FMN1: variants seen among roughly 807,000 people sequenced by gnomAD.
The protein encoded by FMN1 is formin-1.
FMN1 carries 110 observed loss-of-function variants against 132.4 expected under a neutral mutation model. That is an observed-to-expected ratio of 0.83 (90% CI 0.71 to 0.97). FMN1 has a LOEUF of 0.97. Among genes scored for constraint, FMN1 ranks in the 50% least tolerant of loss-of-function variants. FMN1 has a pLI of 0.00. For synonymous variants in FMN1, 722 were observed against 651.7 expected, an observed-to-expected ratio of 1.11 and a Z score of -1.64; for missense variants, 1,792 against 1,705.3, an observed-to-expected ratio of 1.05 and a Z score of -0.90.
chr15:32,946,017 T>C (rs2061502860), intron 9 of FMN1, among the ~76,000 whole-genome samples: 1 of 152,176 alleles, frequency 6.6e-6, no homozygotes, highest in African/African-American at 2.4e-5. Context: ...AAGTGCCATA[T>C]TGCTTCCAAC....
intron 6 of FMN1, among the ~76,000 whole-genome samples, chr15:33,018,646 C>T (rs12906029): frequency 0.16 from 24,168 of 152,086 alleles, 2,179 homozygotes; most frequent in Middle Eastern, 0.26. Flanking sequence ...CCATTGTGTC[C>T]GGAATTGGTG....
intron 2 of FMN1, among the ~76,000 whole-genome samples, chr15:33,187,696 G>A (rs1165780197): frequency 1.3e-5 from 2 of 152,152 alleles, no homozygotes; most frequent in African/African-American, 4.8e-5. Context: ...TGACCAGAAG[G>A]TCCCTCTTCC....
Position 32,916,290 on chromosome 15 carries a change from C to A in FMN1, c.3227-5755G>T, listed in dbSNP as rs936443409. ...AAGAACATGCAGGATTCTCTCAGCT[C>A]TCCAGCCATTTTTCAACCCTGAACA... is the stretch of plus-strand genomic sequence containing the variant. On this transcript the variant is annotated intron_variant, in intron 10 of 20. Transcript: ENST00000616417. 3.9e-5 allele frequency among the ~76,000 whole-genome samples: 6 copies of A among 152,184 alleles called. No individual in the cohort carries two copies. The East Asian group carries it at 1.2e-3, about 29-fold the overall frequency.
At position 33,019,514 on chromosome 15, in the gene FMN1, G is replaced by A. The variant is rs562629201; in HGVS notation, c.2162-11439C>T. On this transcript the variant is annotated intron_variant, in intron 6 of 20. Coordinates refer to ENST00000616417, the MANE Select transcript of FMN1 (RefSeq NM_001277313.2). ...CAGCCCTTGGGCGGTCGATGGGACC[G>A]GGCGCCCTGGAGTAGGGGGCGGCGC... Among the ~76,000 whole-genome samples the A allele has an allele frequency of 1.8e-4, 27 of 152,318 alleles. 1 individual carries two copies. The highest frequency in any genetic ancestry group is 9.7e-4 in the East Asian group (5 of 5,168).
intron 6 of FMN1, among the ~76,000 whole-genome samples, chr15:33,025,147 C>G (rs1242111908): frequency 6.6e-6 from 1 of 152,010 alleles, no homozygotes; most frequent in East Asian, 1.9e-4. Context: ...GTTTTATTTC[C>G]TAAGTTAAGT....
Position 32,766,527 on chromosome 15 carries a change from AG to A in FMN1, c.*7782del, listed in dbSNP as rs1490933326. The A allele has an allele frequency of 9.5e-6, 1 of 105,578 alleles. No individual in the cohort carries two copies. Among genetic ancestry groups the A allele is most frequent in the Non-Finnish European group, 2.1e-5 (1 of 47,512 alleles). 6.5% of individuals were successfully genotyped at this position (105,578 alleles called of 1,614,324 possible). On this transcript the variant is annotated 3_prime_UTR_variant, in exon 21 of 21. Transcript: ENST00000616417. ...TGAGAAATTGAGAAGGCCTAGAATA[AG>A]AACCCCCCCCCCACCCCGCCCAATC...
chr15:33,138,604 A>G (rs1963874233), intron 4 of FMN1, among the ~76,000 whole-genome samples: 1 of 152,100 alleles, frequency 6.6e-6, no homozygotes, highest in East Asian at 1.9e-4. Flanking sequence ...CTCCTCCTGG[A>G]AGTGAGGATA....
chr15:32,931,371 A>C (rs981848306), intron 9 of FMN1, among the ~76,000 whole-genome samples: 8 of 152,144 alleles, frequency 5.3e-5, no homozygotes, highest in African/African-American at 1.9e-4. Context: ...TTTTTTAAGC[A>C]ATGTTTTATA....
intron 19 of FMN1, among the ~76,000 whole-genome samples, chr15:32,796,062 C>G (rs1258745): frequency 0.9 from 137,253 of 152,266 alleles, 62,421 homozygotes; most frequent in Middle Eastern, 0.98. Context: ...TTGTATGTTA[C>G]AGATTATTCT....
At chr15:33,069,730 A>G (rs1302600041) in intron 5 of FMN1, among the ~76,000 whole-genome samples, 1 of 152,176 alleles carries the variant, frequency 6.6e-6, no homozygotes, top group Admixed American at 6.5e-5. Flanking sequence ...TAAGTAAAAC[A>G]CTTTCTAAAT....
chr15:32,829,758 C>T (rs1032678038), intron 17 of FMN1, among the ~76,000 whole-genome samples: 1 of 152,112 alleles, frequency 6.6e-6, no homozygotes, highest in South Asian at 2.1e-4. Context: ...GGGTAAGATT[C>T]GTGAGTGAGG....
chr15:33,116,252 C>T (rs1190469198), intron 4 of FMN1, among the ~76,000 whole-genome samples: 1 of 147,704 alleles, frequency 6.8e-6, no homozygotes, highest in Admixed American at 6.9e-5. Flanking sequence ...GTTCTACTTT[C>T]CTTTATACCT....
chr15:32,998,386 T>G (rs191631771), intron 7 of FMN1, among the ~76,000 whole-genome samples: 4 of 152,220 alleles, frequency 2.6e-5, no homozygotes, highest in African/African-American at 9.6e-5. Context: ...GGACTTTGGA[T>G]TGAGTTGGGA....
At chr15:33,144,937 T>G (rs1157437042) in intron 4 of FMN1, among the ~76,000 whole-genome samples, 1 of 152,218 alleles carries the variant, frequency 6.6e-6, no homozygotes, top group Admixed American at 6.5e-5. Context: ...CTTTATGAAC[T>G]ATTTTCATTG....
intron 16 of FMN1, among the ~76,000 whole-genome samples, chr15:32,875,818 C>T (rs556993757): frequency 1.3e-5 from 2 of 152,308 alleles, no homozygotes; most frequent in East Asian, 3.9e-4. Flanking sequence ...AAACTATCCA[C>T]TACTCTATTT....
intron 15 of FMN1, among the ~76,000 whole-genome samples, chr15:32,892,014 G>T (rs910478275): frequency 6.6e-6 from 1 of 152,102 alleles, no homozygotes; most frequent in Admixed American, 6.5e-5. Context: ...GTGACAGTTT[G>T]AACTCCTCTT....
At chr15:33,083,679 G>C (rs2038577275) in intron 5 of FMN1, among the ~76,000 whole-genome samples, 1 of 152,150 alleles carries the variant, frequency 6.6e-6, no homozygotes, top group Non-Finnish European at 1.5e-5. Context: ...AGAGACGTTT[G>C]AACCACAGCG....
chr15:32,891,922 G>T (rs1156475629), intron 15 of FMN1, among the ~76,000 whole-genome samples: 1 of 150,824 alleles, frequency 6.6e-6, no homozygotes, highest in Non-Finnish European at 1.5e-5. Flanking sequence ...CTGAAACTTT[G>T]CTAATTATTT....
chr15:32,965,580 G>T (rs570723240), intron 8 of FMN1, among the ~76,000 whole-genome samples: 9 of 152,202 alleles, frequency 5.9e-5, no homozygotes, highest in African/African-American at 1.7e-4. Context: ...ATGGTCCACA[G>T]AATTTTGTAA....
Sources: gnomAD v4.1 joint callset for allele counts (sites outside exome capture counted in the v4.1 genomes callset) on GRCh38, gnomAD v4.1.1 for gene constraint, MANE v1.5 for transcripts, NCBI Gene and HGNC (gene_info 2026-07-23, HGNC 2026-07-21) for gene names.